CDH23: variants seen among roughly 807,000 people sequenced by gnomAD.
CDH23 encodes the protein cadherin related 23, also known as cadherin-23.
In CDH23, 189 loss-of-function variants were observed where a neutral mutation model predicts 317.1. That is an observed-to-expected ratio of 0.60 (90% CI 0.53 to 0.67). CDH23 has a LOEUF of 0.67. Ranked by LOEUF, CDH23 falls within the 30% of genes least tolerant of loss-of-function variation. The probability of loss-of-function intolerance (pLI) is 0.00; values close to 1 mark genes in which losing one functional copy is unlikely to be tolerated. For missense variants in CDH23, 4,401 were observed against 4,592.4 expected (o/e 0.96, Z 1.20); for synonymous variants, 1,839 against 1,876.8 (o/e 0.98, Z 0.52).
intron 32 of CDH23, 39 bp from the exon 33 acceptor site, chr10:71,734,201 G>A: frequency 3.3e-6 from 5 of 1,524,980 alleles, no homozygotes; most frequent in Non-Finnish European, 2.7e-6. Flanking sequence ...TAACAAGGGT[G>A]CGATGTTGTC....
chr10:71,541,658 G>T (rs1042027861), intron 6 of CDH23, among the ~76,000 whole-genome samples: 1 of 152,276 alleles, frequency 6.6e-6, no homozygotes, highest in South Asian at 2.1e-4. Context: ...GGGTTTGGAG[G>T]CCAGGCTTAG....
chr10:71,549,822 G>A lies in CDH23; in HGVS notation c.430-16920G>A, dbSNP rs542974465. 4.6e-5 allele frequency among the ~76,000 whole-genome samples: 7 copies of A among 152,330 alleles called. No individual in the cohort carries two copies. In the East Asian group the frequency reaches 7.7e-4, roughly 17 times the overall value. On this transcript the variant is annotated intron_variant, in intron 6 of 69. Transcript: ENST00000224721. ...TTGACTGCAACTTCAAGGCACTAGA[G>A]GGTGTGAGAGATGATCAGGAAGGCA...
rs759893925 is a variant in CDH23 at position 71,679,460 on chromosome 10, A to T, written c.1826A>T (p.Tyr609Phe). 6.2e-7 allele frequency: 1 copy of T among 1,612,946 alleles called. No homozygotes were observed. The highest frequency in any genetic ancestry group is 8.5e-7 in the Non-Finnish European group (1 of 1,179,420). Residue 609 changes from tyrosine to phenylalanine, a missense_variant, in exon 17 of 70, where the codon TAC becomes TTC. By Grantham distance (22) the Tyr-to-Phe change is conservative. Coordinates refer to ENST00000224721, the MANE Select transcript of CDH23 (RefSeq NM_022124.6). ...SIVSASAFGS[Y>F]FDISLYEGYG... Reference sequence around the variant, plus strand: ...GTCAGTGCATCTGCCTTTGGCAGCTACTTCGACATCAGCCTGTACGAGGGC... The same window carrying T: ...GTCAGTGCATCTGCCTTTGGCAGCTTCTTCGACATCAGCCTGTACGAGGGC...
At chr10:71,570,681 T>C in intron 7 of CDH23, 109 bp from the exon 8 acceptor site, 1 of 1,292,044 alleles carries the variant, frequency 7.7e-7, no homozygotes, top group Non-Finnish European at 1.1e-6. Flanking sequence ...TGTGCATGTG[T>C]TTGCACTTAT....
chr10:71,463,356 T>C (rs1422179632), intron 3 of CDH23, among the ~76,000 whole-genome samples: 1 of 152,168 alleles, frequency 6.6e-6, no homozygotes, highest in African/African-American at 2.4e-5. Flanking sequence ...GGCCAGTAAA[T>C]CCCAGCCTGT....
At chr10:71,568,813 C>G (rs1395958623) in intron 7 of CDH23, among the ~76,000 whole-genome samples, 6 of 152,206 alleles carry the variant, frequency 3.9e-5, no homozygotes. Context: ...CCATGGGCCC[C>G]AGAGTTACAG....
chr10:71,633,542 C>T (rs539360893), intron 11 of CDH23, among the ~76,000 whole-genome samples: 38 of 152,284 alleles, frequency 2.5e-4, no homozygotes, highest in African/African-American at 8.4e-4. Context: ...CCCCTCTACC[C>T]GGAGCCCAGC....
chr10:71,494,145 CGCAAGCA>C (rs918408761), intron 3 of CDH23, among the ~76,000 whole-genome samples: 1 of 152,152 alleles, frequency 6.6e-6, no homozygotes, highest in African/African-American at 2.4e-5. Flanking sequence ...TACCATAAAT[CGCAAGCA>C]GCAAAGTGCC....
intron 41 of CDH23, 99 bp from the exon 42 acceptor site, chr10:71,784,188 T>C: frequency 7.3e-7 from 1 of 1,361,408 alleles, no homozygotes; most frequent in Non-Finnish European, 1.0e-6. Flanking sequence ...CCCCCACCTG[T>C]GACGAGTGAG....
chr10:71,401,944 T>C (rs1847800053), intron 1 of CDH23, among the ~76,000 whole-genome samples: 1 of 152,194 alleles, frequency 6.6e-6, no homozygotes, highest in East Asian at 1.9e-4. Flanking sequence ...TTGAATCCCA[T>C]AGGGCAGAAA....
intron 1 of CDH23, among the ~76,000 whole-genome samples, chr10:71,436,721 G>A (rs1384572956): frequency 6.6e-6 from 1 of 152,112 alleles, no homozygotes; most frequent in Non-Finnish European, 1.5e-5. Flanking sequence ...TCCTTCCACC[G>A]CAAACTTCCT....
chr10:71,546,985 G>A (rs1244304133), intron 6 of CDH23, among the ~76,000 whole-genome samples: 1 of 152,244 alleles, frequency 6.6e-6, no homozygotes, highest in Non-Finnish European at 1.5e-5. Flanking sequence ...GTCAAGAGAC[G>A]GGTGGCCAGG....
intron 41 of CDH23, among the ~76,000 whole-genome samples, chr10:71,782,670 G>A (rs1221968059): frequency 6.6e-6 from 1 of 152,220 alleles, no homozygotes; most frequent in Non-Finnish European, 1.5e-5. Context: ...TGGTGCTGGT[G>A]TCTCCTCCTG....
intron 3 of CDH23, among the ~76,000 whole-genome samples, chr10:71,479,249 C>T (rs1851946330): frequency 6.6e-6 from 1 of 152,200 alleles, no homozygotes; most frequent in African/African-American, 2.4e-5. Context: ...CTCTAGGCTG[C>T]TCATGTGAAG....
intron 1 of CDH23, among the ~76,000 whole-genome samples, chr10:71,413,195 T>C (rs1192377622): frequency 6.6e-6 from 1 of 152,218 alleles, no homozygotes; most frequent in African/African-American, 2.4e-5. Context: ...ATTTTGCATG[T>C]GGATAGACAG....
At chr10:71,616,813 CA>C (rs1273816976) in intron 10 of CDH23, among the ~76,000 whole-genome samples, 2 of 152,184 alleles carry the variant, frequency 1.3e-5, no homozygotes, top group African/African-American at 4.8e-5. Flanking sequence ...CTTGATTAAC[CA>C]CCAGCACAAA....
chr10:71,548,038 T>C lies in CDH23; in HGVS notation c.430-18704T>C, dbSNP rs142893255. On this transcript the variant is annotated intron_variant, in intron 6 of 69. Coordinates refer to ENST00000224721, the MANE Select transcript of CDH23 (RefSeq NM_022124.6). ...GCCTGCCTGGAGCCTGTCAGCTGCGTGGTGACGGAATGCATTTCTCTGCAC... is the reference window on the plus strand; with the variant it reads ...GCCTGCCTGGAGCCTGTCAGCTGCGCGGTGACGGAATGCATTTCTCTGCAC... Among the ~76,000 whole-genome samples, 50 of 152,336 alleles carry C rather than the reference T, an allele frequency of 3.3e-4. No individual in the cohort carries two copies. In the South Asian group the frequency reaches 3.9e-3, roughly 12 times the overall value.
At chr10:71,728,373 G>A (rs905673635) in intron 30 of CDH23, among the ~76,000 whole-genome samples, 3 of 151,988 alleles carry the variant, frequency 2.0e-5, no homozygotes, top group Non-Finnish European at 2.9e-5. Context: ...TAGAAGCAGC[G>A]ATGCAGAGAA....
intron 11 of CDH23, among the ~76,000 whole-genome samples, chr10:71,634,638 G>A (rs1257228320): frequency 6.6e-6 from 1 of 152,260 alleles, no homozygotes; most frequent in Non-Finnish European, 1.5e-5. Context: ...GAAGGGAGAA[G>A]AGGACATGGC....
Sources: gnomAD v4.1 joint callset for allele counts (sites outside exome capture counted in the v4.1 genomes callset) on GRCh38, gnomAD v4.1.1 for gene constraint, MANE v1.5 for transcripts, NCBI Gene and HGNC (gene_info 2026-07-23, HGNC 2026-07-21) for gene names.